Variants in CASZ1 observed in about 807,000 individuals in gnomAD.
CASZ1 encodes zinc finger protein castor homolog 1.
In CASZ1, 28 loss-of-function variants were observed where a neutral mutation model predicts 135.2. The ratio of observed to expected loss-of-function variants is 0.21; its 90% CI spans 0.15 to 0.28. CASZ1 has a LOEUF of 0.28. Ranked by LOEUF, CASZ1 falls within the 10% of genes least tolerant of loss-of-function variation. The pLI is 1.00. For synonymous variants in CASZ1, 1,068 were observed against 1,073.4 expected, an observed-to-expected ratio of 0.99 and a Z score of 0.10; for missense variants, 2,161 against 2,453.3, an observed-to-expected ratio of 0.88 and a Z score of 2.52.
intron 4 of CASZ1, among the ~76,000 whole-genome samples, chr1:10,692,202 T>C (rs1200039976): frequency 6.6e-6 from 1 of 152,158 alleles, no homozygotes; most frequent in Non-Finnish European, 1.5e-5. Flanking sequence ...GACTGGTTGG[T>C]GGATGGCAGG....
chr1:10,778,003 A>G (rs1640691913), intron 1 of CASZ1, among the ~76,000 whole-genome samples: 2 of 151,914 alleles, frequency 1.3e-5, no homozygotes, highest in African/African-American at 4.8e-5. Context: ...ACAGTCTCAT[A>G]TACACTCACT....
chr1:10,703,525 T>C (rs1365965480), intron 3 of CASZ1, among the ~76,000 whole-genome samples: 1 of 151,932 alleles, frequency 6.6e-6, no homozygotes, highest in African/African-American at 2.4e-5. Flanking sequence ...AGTTTACAAA[T>C]AGAGAAACTG....
intron 12 of CASZ1, 53 bp from the exon 13 acceptor site, chr1:10,650,808 T>TGG: frequency 6.3e-7 from 1 of 1,599,872 alleles, no homozygotes; most frequent in Non-Finnish European, 8.6e-7. Context: ...GCCTGGGCCC[T>TGG]GGGGCTCACC....
In CASZ1 at chr1:10,697,273, T is replaced by C. The variant is rs955260793; in HGVS notation, c.-23-3361A>G. On this transcript the variant is annotated intron_variant, in intron 3 of 20. Transcript: ENST00000377022. This position sits in a 1 kb window ranked among gnomAD's most constrained non-coding sequence, Gnocchi z 4.7. ...CCTTCTCTCTCTTTCTCTCTGAGTG[T>C]ATCTGCTCATACCAAGAGGAGAGGC... Among the ~76,000 whole-genome samples the C allele has an allele frequency of 6.6e-6, 1 of 151,630 alleles. No individual in the cohort carries two copies. Among genetic ancestry groups the C allele is most frequent in the African/African-American group, 2.4e-5 (1 of 41,248 alleles).
chr1:10,710,714 A>T (rs937329023), intron 2 of CASZ1, among the ~76,000 whole-genome samples: 2 of 152,254 alleles, frequency 1.3e-5, no homozygotes, highest in Non-Finnish European at 2.9e-5. Flanking sequence ...GGCTTTCCCC[A>T]GCCCCTGTGC....
intron 4 of CASZ1, among the ~76,000 whole-genome samples, chr1:10,680,758 C>T (rs1457510062): frequency 1.3e-5 from 2 of 152,240 alleles, no homozygotes; most frequent in Non-Finnish European, 2.9e-5. Context: ...CTCCGTCCCA[C>T]CCCACTACCA....
At chr1:10,781,041 T>C (rs1033234210) in intron 1 of CASZ1, among the ~76,000 whole-genome samples, 2 of 152,200 alleles carry the variant, frequency 1.3e-5, no homozygotes, top group African/African-American at 4.8e-5. Flanking sequence ...GCACCCCCTC[T>C]CCAACTTCAT....
At chr1:10,692,009 T>C (rs1352901808) in intron 4 of CASZ1, among the ~76,000 whole-genome samples, 1 of 152,102 alleles carries the variant, frequency 6.6e-6, no homozygotes, top group Non-Finnish European at 1.5e-5. Context: ...CCTTCTAGCT[T>C]CTAGGAAAAG....
Position 10,726,880 on chromosome 1 carries a change from G to C in CASZ1, c.-76-21336C>G, listed in dbSNP as rs890334777. ...GCCTGCTCCGTGTCCTGGGGGAAAT[G>C]GTTCAGGGAATGAATCAGCACCTGC... On this transcript the variant is annotated intron_variant, in intron 2 of 20. Coordinates refer to ENST00000377022, the MANE Select transcript of CASZ1 (RefSeq NM_001079843.3). The surrounding 1 kb of genome is among the most constrained non-coding windows in gnomAD (Gnocchi z 5.7). Among the ~76,000 whole-genome samples the C allele has an allele frequency of 6.6e-6, 1 of 152,154 alleles. No individual in the cohort carries two copies. The highest frequency in any genetic ancestry group is 1.5e-5 in the Non-Finnish European group (1 of 68,020).
intron 2 of CASZ1, among the ~76,000 whole-genome samples, chr1:10,738,415 G>C (rs958176772): frequency 6.6e-6 from 1 of 152,232 alleles, no homozygotes; most frequent in African/African-American, 2.4e-5. Flanking sequence ...CTGGCAGGAC[G>C]GGTGCCCACA....
At chr1:10,684,283 G>A (rs376981654) in intron 4 of CASZ1, among the ~76,000 whole-genome samples, 2 of 152,168 alleles carry the variant, frequency 1.3e-5, no homozygotes, top group South Asian at 2.1e-4. Flanking sequence ...AGTGTTAAAG[G>A]GGTGGGATCA....
rs748237845 is a variant in CASZ1 at position 10,653,939 on chromosome 1, C to T, written c.2118G>A (p.Pro706=). 7.4e-6 allele frequency: 12 copies of T among 1,613,460 alleles called. No individual in the cohort carries two copies. The highest frequency in any genetic ancestry group is 2.7e-5 in the African/African-American group (2 of 74,944). Residue 706 remains proline, a synonymous_variant, in exon 11 of 21, where the codon CCG becomes CCA. Transcript: ENST00000377022. ...TGTCCTTGGCGCCCAGCAGCGAGGG[C>T]GGCAGCCCCAGCGCGCCCGAGGAGC... ...HIRSSGALGL[P]PSLLGAKDTE...
chr1:10,680,285 T>TGGGGGGGGGGGGGG (rs1557500162), intron 4 of CASZ1, among the ~76,000 whole-genome samples: 1 of 92,674 alleles, frequency 1.1e-5, no homozygotes. Flanking sequence ...CGGCGGGGGA[T>TGGGGGGGGGGGGGG]GGTGGAGGGG....
chr1:10,753,613 G>T (rs1290082678), intron 2 of CASZ1, among the ~76,000 whole-genome samples: 1 of 152,152 alleles, frequency 6.6e-6, no homozygotes, highest in African/African-American at 2.4e-5. Context: ...GGAGGCGGGT[G>T]GGGGTCTGCT....
intron 9 of CASZ1, among the ~76,000 whole-genome samples, chr1:10,655,216 G>C (rs1239284293): frequency 6.6e-6 from 1 of 152,208 alleles, no homozygotes; most frequent in Non-Finnish European, 1.5e-5. Context: ...AATACCGGGG[G>C]AGGCATAGGG....
chr1:10,685,670 C>G (rs898521864), intron 4 of CASZ1, among the ~76,000 whole-genome samples: 1 of 151,828 alleles, frequency 6.6e-6, no homozygotes, highest in East Asian at 1.9e-4. Flanking sequence ...CCTCAGCCCC[C>G]GGGCACGAAG....
chr1:10,656,955 T>C (rs1642821033), intron 7 of CASZ1, among the ~76,000 whole-genome samples: 1 of 151,964 alleles, frequency 6.6e-6, no homozygotes, highest in Admixed American at 6.6e-5. Context: ...AACACTGAGG[T>C]GGCCAAAAGT....
intron 4 of CASZ1, among the ~76,000 whole-genome samples, chr1:10,672,217 G>T (rs578345): frequency 9.2e-6 from 1 of 108,192 alleles, no homozygotes; most frequent in African/African-American, 3.5e-5. Flanking sequence ...CCCTCCCCCC[G>T]CCACCCCCTC....
chr1:10,736,831 G>T (rs1570540265), intron 2 of CASZ1, among the ~76,000 whole-genome samples: 1 of 152,202 alleles, frequency 6.6e-6, no homozygotes, highest in Non-Finnish European at 1.5e-5. Flanking sequence ...GGACAGGGAC[G>T]TGGGAGGAAC....
Sources: gnomAD v4.1 joint callset for allele counts (sites outside exome capture counted in the v4.1 genomes callset) on GRCh38, gnomAD v4.1.1 for gene constraint, Gnocchi (gnomAD v3.1) non-coding constraint, MANE v1.5 for transcripts, NCBI Gene and HGNC (gene_info 2026-07-23, HGNC 2026-07-21) for gene names.